The following GMDS variants were observed in gnomAD, a reference collection of about 807,000 sequenced individuals.
GMDS encodes the protein GDP-mannose 4,6 dehydratase.
A neutral mutation model predicts 49.9 loss-of-function variants in GMDS; 20 were observed. The observed-to-expected ratio is 0.40, with a 90% CI of 0.28 to 0.58. The LOEUF is 0.58. Among genes scored for constraint, GMDS ranks in the 20% least tolerant of loss-of-function variants. The pLI is 0.42. For missense variants in GMDS, 362 were observed against 481.4 expected, an observed-to-expected ratio of 0.75 and a Z score of 2.32; for synonymous variants, 177 against 178.6, an observed-to-expected ratio of 0.99 and a Z score of 0.07.
chr6:2,097,982 C>T (rs1773703829), intron 4 of GMDS, among the ~76,000 whole-genome samples: 1 of 150,976 alleles, frequency 6.6e-6, no homozygotes, highest in South Asian at 2.1e-4. Context: ...AACTATAAAG[C>T]TGTTTCAATG....
At chr6:2,123,886 G>A (rs1775274678) in intron 2 of GMDS, among the ~76,000 whole-genome samples, 1 of 152,050 alleles carries the variant, frequency 6.6e-6, no homozygotes, top group Admixed American at 6.5e-5. Flanking sequence ...AATAATGTTG[G>A]CATTTAGATG....
intron 4 of GMDS, among the ~76,000 whole-genome samples, chr6:2,002,739 G>A (rs1367166446): frequency 6.6e-6 from 1 of 152,096 alleles, no homozygotes; most frequent in Non-Finnish European, 1.5e-5. Flanking sequence ...CACTGTAACA[G>A]AAATCACAAA....
intron 4 of GMDS, among the ~76,000 whole-genome samples, chr6:1,969,071 C>A (rs1270423258): frequency 6.6e-6 from 1 of 151,740 alleles, no homozygotes. Context: ...ACCATCCTGG[C>A]TAACACGGTG....
intron 1 of GMDS, among the ~76,000 whole-genome samples, chr6:2,174,967 G>C (rs1322587469): frequency 6.6e-6 from 1 of 152,134 alleles, no homozygotes; most frequent in African/African-American, 2.4e-5. Context: ...AGGACTTGGG[G>C]CCAGGTCTAC....
intron 4 of GMDS, among the ~76,000 whole-genome samples, chr6:2,114,132 A>G (rs1774711925): frequency 6.6e-6 from 1 of 152,206 alleles, no homozygotes; most frequent in South Asian, 2.1e-4. Context: ...ATACTAAATG[A>G]CAAGGGGAAG....
chr6:1,861,427 G>T (rs1194666613), intron 7 of GMDS, among the ~76,000 whole-genome samples: 4 of 152,182 alleles, frequency 2.6e-5, no homozygotes, highest in South Asian at 2.1e-4. Flanking sequence ...GATGGTGAGG[G>T]GTTTAATTTT....
At chr6:1,847,243 A>T (rs891441690) in intron 7 of GMDS, among the ~76,000 whole-genome samples, 4 of 151,976 alleles carry the variant, frequency 2.6e-5, no homozygotes, top group Non-Finnish European at 5.9e-5. Flanking sequence ...TTTTGTAGAG[A>T]CAGGGTCTTC....
At chr6:1,898,007 ACCC>A (rs1760296133) in intron 7 of GMDS, among the ~76,000 whole-genome samples, 2 of 111,624 alleles carry the variant, frequency 1.8e-5, no homozygotes, top group African/African-American at 6.8e-5. Flanking sequence ...CTGGACACCT[ACCC>A]TGGCCTCCCT....
At chr6:2,049,338 T>C (rs1562005642) in intron 4 of GMDS, among the ~76,000 whole-genome samples, 1 of 152,252 alleles carries the variant, frequency 6.6e-6, no homozygotes, top group Non-Finnish European at 1.5e-5. Flanking sequence ...TATGCCTAAA[T>C]GTATTGGGTA....
intron 1 of GMDS, among the ~76,000 whole-genome samples, chr6:2,158,075 G>C (rs920473502): frequency 6.6e-5 from 10 of 152,132 alleles, no homozygotes; most frequent in African/African-American, 2.4e-4. Flanking sequence ...CCTCATGAAA[G>C]CACCATTCTT....
At chr6:2,065,137 T>A (rs1259053151) in intron 4 of GMDS, among the ~76,000 whole-genome samples, 2 of 152,104 alleles carry the variant, frequency 1.3e-5, no homozygotes. Flanking sequence ...GCAGCCTAAC[T>A]GGGAGGCACC....
At chr6:1,945,829 C>T (rs1322794356) in intron 6 of GMDS, among the ~76,000 whole-genome samples, 1 of 152,178 alleles carries the variant, frequency 6.6e-6, no homozygotes, top group African/African-American at 2.4e-5. Flanking sequence ...CACAGAAAAG[C>T]GGACTTAACA....
intron 7 of GMDS, among the ~76,000 whole-genome samples, chr6:1,870,594 A>C (rs1363359506): frequency 6.6e-6 from 1 of 152,154 alleles, no homozygotes; most frequent in Non-Finnish European, 1.5e-5. Context: ...TTGTCTTTTA[A>C]GGGAAGGAGC....
chr6:2,202,311 G>A (rs927026275), intron 1 of GMDS, among the ~76,000 whole-genome samples: 5 of 151,270 alleles, frequency 3.3e-5, no homozygotes, highest in African/African-American at 1.2e-4. Flanking sequence ...GCAGAGAGGC[G>A]AAGGATGAAG....
intron 1 of GMDS, among the ~76,000 whole-genome samples, chr6:2,133,497 CT>C (rs954377484): frequency 6.6e-6 from 1 of 152,144 alleles, no homozygotes; most frequent in African/African-American, 2.4e-5. Flanking sequence ...ATATTCTTGT[CT>C]TTTTAACCCA....
At chr6:1,773,626 G>C (rs911957754) in intron 7 of GMDS, among the ~76,000 whole-genome samples, 5 of 152,236 alleles carry the variant, frequency 3.3e-5, no homozygotes, top group African/African-American at 1.2e-4. Context: ...CCTGTGCTGA[G>C]CAGCATCGAT....
At chr6:1,853,962 C>G (rs200496252) in intron 7 of GMDS, among the ~76,000 whole-genome samples, 2 of 152,150 alleles carry the variant, frequency 1.3e-5, no homozygotes, top group East Asian at 3.9e-4. Context: ...GCAGACAATG[C>G]TGCCACTGTT....
intron 7 of GMDS, among the ~76,000 whole-genome samples, chr6:1,822,508 T>C (rs1438616185): frequency 6.6e-6 from 1 of 152,178 alleles, no homozygotes; most frequent in Non-Finnish European, 1.5e-5. Flanking sequence ...AAAGGAATCG[T>C]GGAAACAATA....
chr6:1,658,871 T>C (rs1322638665), intron 9 of GMDS, among the ~76,000 whole-genome samples: 1 of 152,178 alleles, frequency 6.6e-6, no homozygotes, highest in African/African-American at 2.4e-5. Flanking sequence ...AGAGTTTGCT[T>C]AGAGAAAAGA....
Sources: allele counts gnomAD v4.1 joint callset (sites outside exome capture counted in the v4.1 genomes callset), GRCh38; gene constraint gnomAD v4.1.1; transcripts MANE v1.5; gene names NCBI Gene and HGNC (gene_info 2026-07-23, HGNC 2026-07-21).